Variants in DNAJC17 observed in about 807,000 individuals in gnomAD.
DNAJC17 encodes the protein DnaJ heat shock protein family (Hsp40) member C17, also known as dnaJ homolog subfamily C member 17.
In DNAJC17, 35 loss-of-function variants were observed where a neutral mutation model predicts 48.1. The ratio of observed to expected loss-of-function variants is 0.73; its 90% CI spans 0.56 to 0.96. The LOEUF (loss-of-function observed/expected upper bound fraction) is 0.96. Ranked by LOEUF, DNAJC17 falls within the 50% of genes least tolerant of loss-of-function variation. The pLI, the probability that DNAJC17 is intolerant of heterozygous loss-of-function variation, is 0.00. For missense variants in DNAJC17, 355 were observed against 377.1 expected, an observed-to-expected ratio of 0.94 and a Z score of 0.48; for synonymous variants, 117 against 142.7, an observed-to-expected ratio of 0.82 and a Z score of 1.28.
Position 40,765,673 on chromosome 15 carries a change from C to A in DNAJC17, c.*2267G>T. On this transcript the variant is annotated 3_prime_UTR_variant, in exon 11 of 11. Transcript: ENST00000220496. ...TGATCATTGATGGGCTCCACCCCTTCACAGCTTGTGCTCAGCCCCTAAGAA... is the reference window on the plus strand; with the variant it reads ...TGATCATTGATGGGCTCCACCCCTTAACAGCTTGTGCTCAGCCCCTAAGAA... 2.4e-6 allele frequency: 1 copy of A among 421,072 alleles called. No individual in the cohort carries two copies. The highest frequency in any genetic ancestry group is 3.5e-5 in the East Asian group (1 of 28,214). The allele number at this position is 421,072 out of a possible 1,614,324, so 26.1% of individuals were successfully genotyped here. A position where few individuals can be genotyped will look rare whatever the true frequency, so the allele number is the denominator to read the frequency against.
intron 4 of DNAJC17, 169 bp downstream of exon 4, chr15:40,779,054 T>G: frequency 1.4e-6 from 1 of 699,204 alleles, no homozygotes; most frequent in Non-Finnish European, 2.6e-6. Flanking sequence ...ATTATTGTTA[T>G]TATTCCTAAG....
chr15:40,775,232 G>A, intron 7 of DNAJC17, 124 bp from the exon 8 acceptor site: 11 of 1,071,624 alleles, frequency 1.0e-5, no homozygotes, highest in Non-Finnish European at 1.5e-5. Context: ...TGCAATCTGG[G>A]GAGTGCCACC....
intron 10 of DNAJC17, among the ~76,000 whole-genome samples, chr15:40,768,918 G>A (rs1302515789): frequency 6.6e-6 from 1 of 152,260 alleles, no homozygotes; most frequent in African/African-American, 2.4e-5. Context: ...AAGATGCGGT[G>A]GCCTGCCCGT....
rs747054090 is a variant in DNAJC17 at position 40,780,012 on chromosome 15, C to T, written c.79-15G>A. On this transcript the variant is annotated splice_polypyrimidine_tract_variant and intron_variant, in intron 1 of 10. Transcript: ENST00000220496. ...GCCTTCTTTACCTGGAAGAGTCAGA[C>T]AGAAGACATGGCCATTCACTCTCAT... is the stretch of plus-strand genomic sequence containing the variant. 1 of 1,613,174 alleles carries T rather than the reference C, an allele frequency of 6.2e-7. No homozygotes were observed. Among genetic ancestry groups the T allele is most frequent in the Non-Finnish European group, 8.5e-7 (1 of 1,179,478 alleles).
intron 1 of DNAJC17, among the ~76,000 whole-genome samples, chr15:40,782,818 G>A (rs760282674): frequency 7.2e-5 from 11 of 152,030 alleles, no homozygotes; most frequent in Non-Finnish European, 1.0e-4. Flanking sequence ...CCACCTGCTG[G>A]GCCATAGCCA....
intron 1 of DNAJC17, among the ~76,000 whole-genome samples, chr15:40,796,356 G>A (rs1317553136): frequency 6.6e-6 from 1 of 152,162 alleles, no homozygotes; most frequent in Non-Finnish European, 1.5e-5. Flanking sequence ...GCAGATAAGG[G>A]TGTGGGGCTA....
At chr15:40,787,885 C>G (rs542032432) in intron 1 of DNAJC17, among the ~76,000 whole-genome samples, 2 of 152,258 alleles carry the variant, frequency 1.3e-5, no homozygotes, top group African/African-American at 2.4e-5. Flanking sequence ...AAGAAAGGTG[C>G]CCTACAAAGA....
chr15:40,779,701 G>C (rs1889427608), intron 2 of DNAJC17, 98 bp from the exon 3 acceptor site: 5 of 1,388,054 alleles, frequency 3.6e-6, no homozygotes, highest in Non-Finnish European at 4.9e-6. Flanking sequence ...AGAAGTCACA[G>C]GATGGCAGAC....
intron 1 of DNAJC17, among the ~76,000 whole-genome samples, chr15:40,805,438 T>C (rs1457031323): frequency 2.0e-5 from 3 of 150,420 alleles, no homozygotes; most frequent in African/African-American, 4.9e-5. Context: ...TCCCAGCTAC[T>C]CCGGAGGCTG....
chr15:40,780,289 G>A (rs1596082137), intron 1 of DNAJC17: 2 of 573,014 alleles, frequency 3.5e-6, no homozygotes, highest in African/African-American at 1.9e-5. Flanking sequence ...CCGCTTTCTC[G>A]ACAGCCACTC....
At chr15:40,775,630 A>G (rs1889298656) in intron 6 of DNAJC17, 34 bp from the exon 7 acceptor site, 2 of 1,602,476 alleles carry the variant, frequency 1.2e-6, no homozygotes, top group Admixed American at 1.7e-5. Context: ...AAAGTAGAAT[A>G]TGAGGGAGTC....
intron 1 of DNAJC17, among the ~76,000 whole-genome samples, chr15:40,804,937 G>C (rs990811791): frequency 3.3e-5 from 5 of 151,930 alleles, no homozygotes; most frequent in Admixed American, 1.3e-4. Context: ...GGGGGGCAGA[G>C]GTTGCAGTGA....
Position 40,767,691 on chromosome 15 carries a change from A to G in DNAJC17, c.*249T>C. 3.2e-6 allele frequency: 2 copies of G among 615,614 alleles called. No individual in the cohort carries two copies. Among genetic ancestry groups the G allele is most frequent in the Non-Finnish European group, 5.4e-6 (2 of 370,568 alleles). 38.1% of individuals were successfully genotyped at this position (615,614 alleles called of 1,614,324 possible). A position where few individuals can be genotyped will look rare whatever the true frequency, so the allele number is the denominator to read the frequency against. On this transcript the variant is annotated 3_prime_UTR_variant, in exon 11 of 11. Coordinates refer to ENST00000220496, the MANE Select transcript of DNAJC17 (RefSeq NM_018163.3). The stretch of plus-strand genomic sequence containing the variant: ...TCCTGCATAGCTAGCCCAAGCCAAT[A>G]AAGGGCTGTGATGAGTGGCTGCGCC...
In DNAJC17 at chr15:40,769,217, G is replaced by C. The variant is rs926423683; in HGVS notation, c.793-1155C>G. On this transcript the variant is annotated intron_variant, in intron 10 of 10. Coordinates refer to ENST00000220496, the MANE Select transcript of DNAJC17 (RefSeq NM_018163.3). This position sits in a 1 kb window ranked among gnomAD's most constrained non-coding sequence, Gnocchi z 4.2. Reference sequence around the variant, plus strand: ...GCTAAGCCTGGCCCAGAGCACGGCTGACAATTCACGGCAGCCTCCCTGGCC... The same window carrying C: ...GCTAAGCCTGGCCCAGAGCACGGCTCACAATTCACGGCAGCCTCCCTGGCC... Among the ~76,000 whole-genome samples, 1 of 152,198 alleles carries C rather than the reference G, an allele frequency of 6.6e-6. No individual in the cohort carries two copies. The highest frequency in any genetic ancestry group is 2.4e-5 in the African/African-American group (1 of 41,456).
At position 40,770,832 on chromosome 15, in the gene DNAJC17, G is replaced by A. The variant is rs1456080294; in HGVS notation, c.793-2770C>T. 2 of 1,551,152 alleles carry A rather than the reference G, an allele frequency of 1.3e-6. No homozygotes were observed. The highest frequency in any genetic ancestry group is 1.7e-6 in the Non-Finnish European group (2 of 1,147,000). ...AGCCTACTCTGCCACCCTGCCATCG[G>A]CGCTCTCTCTGTCGAGTGCCCTCCA... On this transcript the variant is annotated intron_variant, in intron 10 of 10. Coordinates refer to ENST00000220496, the MANE Select transcript of DNAJC17 (RefSeq NM_018163.3). The surrounding 1 kb of genome is among the most constrained non-coding windows in gnomAD (Gnocchi z 5.0).
chr15:40,788,231 C>T (rs745593586), intron 1 of DNAJC17, among the ~76,000 whole-genome samples: 5 of 152,156 alleles, frequency 3.3e-5, no homozygotes, highest in South Asian at 2.1e-4. Flanking sequence ...TGATGTCACA[C>T]GCAGGAAGCA....
rs992366507 is a variant in DNAJC17 at position 40,770,432 on chromosome 15, C to G, written c.793-2370G>C. ...TCCCCAGCTGCTGGCACTCACTGCC[C>G]CAGCAGGGACCACATGCACCCTGGC... On this transcript the variant is annotated intron_variant, in intron 10 of 10. Transcript: ENST00000220496. This position sits in a 1 kb window ranked among gnomAD's most constrained non-coding sequence, Gnocchi z 5.0. 2 of 1,475,284 alleles carry G rather than the reference C, an allele frequency of 1.4e-6. No homozygotes were observed. Among genetic ancestry groups the G allele is most frequent in the East Asian group, 2.5e-5 (1 of 40,550 alleles). The allele number at this position is 1,475,284 out of a possible 1,614,324, so 91.4% of individuals were successfully genotyped here. A position where few individuals can be genotyped will look rare whatever the true frequency, so the allele number is the denominator to read the frequency against.
Position 40,807,366 on chromosome 15 carries a change from C to T in DNAJC17, c.78+3G>A. Reference sequence around the variant, plus strand: ...GATCAGCCTTCCTCGCCACCGTTCTCACCTCTTTGTCCGCTGCCTTCTCCT... The same window carrying T: ...GATCAGCCTTCCTCGCCACCGTTCTTACCTCTTTGTCCGCTGCCTTCTCCT... On this transcript the variant is annotated splice_donor_region_variant and intron_variant, in intron 1 of 10. Coordinates refer to ENST00000220496, the MANE Select transcript of DNAJC17 (RefSeq NM_018163.3). 1 of 1,614,286 alleles carries T rather than the reference C, an allele frequency of 6.2e-7. No homozygotes were observed. Among genetic ancestry groups the T allele is most frequent in the South Asian group, 1.1e-5 (1 of 91,090 alleles).
intron 1 of DNAJC17, among the ~76,000 whole-genome samples, chr15:40,783,735 T>C (rs1427055042): frequency 6.6e-6 from 1 of 151,744 alleles, no homozygotes; most frequent in Admixed American, 6.6e-5. Context: ...TGGTGGTGCA[T>C]GCTTGTAATC....
Sources: gnomAD v4.1 joint callset for allele counts (sites outside exome capture counted in the v4.1 genomes callset) on GRCh38, gnomAD v4.1.1 for gene constraint, Gnocchi (gnomAD v3.1) non-coding constraint, MANE v1.5 for transcripts, NCBI Gene and HGNC (gene_info 2026-07-23, HGNC 2026-07-21) for gene names.